Variants in NOX4 observed in about 807,000 individuals in gnomAD.
NOX4 encodes kidney oxidase-1.
A neutral mutation model predicts 87.6 loss-of-function variants in NOX4; 69 were observed. That is an observed-to-expected ratio of 0.79 (90% CI 0.65 to 0.96). NOX4 has a LOEUF of 0.96. NOX4 is among the 40% of genes least tolerant of loss of function. The pLI is 0.00. For synonymous variants in NOX4, 275 were observed against 238.2 expected, an observed-to-expected ratio of 1.15 and a Z score of -1.42; for missense variants, 680 against 681.5, an observed-to-expected ratio of 1.00 and a Z score of 0.02.
At chr11:89,479,034 C>G (rs917431176) in intron 2 of NOX4, among the ~76,000 whole-genome samples, 7 of 151,600 alleles carry the variant, frequency 4.6e-5, no homozygotes, top group Admixed American at 4.6e-4. Flanking sequence ...TGAAATGTGG[C>G]CAAGGAAAAT....
chr11:89,575,595 T>C, the NOX4 span, among the ~76,000 whole-genome samples: 1 of 152,178 alleles, frequency 6.6e-6, no homozygotes, highest in Admixed American at 6.5e-5. Context: ...CACTTTATAA[T>C]ATAACCTCTT....
chr11:89,489,355 A>T (rs1946756679), intron 2 of NOX4, among the ~76,000 whole-genome samples: 1 of 151,960 alleles, frequency 6.6e-6, no homozygotes, highest in African/African-American at 2.4e-5. Context: ...GCACCCCCCC[A>T]CTCACCAAAA....
At chr11:89,376,988 G>T (rs1479896260) in intron 11 of NOX4, among the ~76,000 whole-genome samples, 1 of 152,192 alleles carries the variant, frequency 6.6e-6, no homozygotes, top group Non-Finnish European at 1.5e-5. Flanking sequence ...AATTCAGGCG[G>T]CAGAGGTTGC....
intron 2 of NOX4, among the ~76,000 whole-genome samples, chr11:89,458,935 C>A (rs1945328796): frequency 1.3e-5 from 2 of 152,096 alleles, no homozygotes; most frequent in Admixed American, 1.3e-4. Context: ...TTCATTTGAT[C>A]CAGCAATCCC....
intron 2 of NOX4, among the ~76,000 whole-genome samples, chr11:89,477,401 G>A (rs1029523387): frequency 2.0e-5 from 3 of 152,198 alleles, no homozygotes; most frequent in South Asian, 2.1e-4. Context: ...ATGGGGAGCC[G>A]CCGTAAATAC....
At chr11:89,543,623 G>A in the NOX4 span, among the ~76,000 whole-genome samples, 410 of 152,072 alleles carry the variant, frequency 2.7e-3, 1 homozygote, top group South Asian at 7.9e-3. Context: ...ATAGGGAGTC[G>A]AGGACGCTGT....
At chr11:89,503,175 A>G (rs1947040206), upstream of NOX4, among the ~76,000 whole-genome samples, 1 of 152,006 alleles carries the variant, frequency 6.6e-6, no homozygotes, top group Non-Finnish European at 1.5e-5. Flanking sequence ...TCCTTTTTAT[A>G]TATTTGGAAT....
the NOX4 span, among the ~76,000 whole-genome samples, chr11:89,524,843 G>A: frequency 6.6e-6 from 1 of 151,918 alleles, no homozygotes; most frequent in Non-Finnish European, 1.5e-5. Context: ...ACATTTCCCT[G>A]TGCTATTTCC....
At chr11:89,423,067 G>C (rs1230682511) in intron 7 of NOX4, among the ~76,000 whole-genome samples, 1 of 151,968 alleles carries the variant, frequency 6.6e-6, no homozygotes, top group African/African-American at 2.4e-5. Flanking sequence ...CAAAGTGCTG[G>C]GATTACAGGT....
intron 13 of NOX4, among the ~76,000 whole-genome samples, chr11:89,343,136 G>A (rs1372760210): frequency 1.3e-5 from 2 of 152,068 alleles, no homozygotes; most frequent in Non-Finnish European, 2.9e-5. Flanking sequence ...TGGACAGGAC[G>A]ACTAGAACTC....
intron 2 of NOX4, among the ~76,000 whole-genome samples, chr11:89,452,748 C>A (rs745640741): frequency 2.8e-4 from 42 of 151,976 alleles, no homozygotes; most frequent in Non-Finnish European, 5.9e-4. Flanking sequence ...CAGGGTCTCA[C>A]TTTTTCTCCC....
intron 5 of NOX4, chr11:89,443,351 A>G (rs1199705155): frequency 6.6e-6 from 1 of 152,152 alleles, no homozygotes; most frequent in Non-Finnish European, 1.5e-5. Flanking sequence ...GAAGGTGGGG[A>G]AAAAAGTTAA....
rs1945201741 is a variant in NOX4 at position 89,325,900 on chromosome 11, T to C, written c.*856A>G. 1 of 136,122 alleles carries C rather than the reference T, an allele frequency of 7.3e-6. No homozygotes were observed. Among genetic ancestry groups the C allele is most frequent in the Admixed American group, 7.3e-5 (1 of 13,758 alleles). 8.4% of individuals were successfully genotyped at this position (136,122 alleles called of 1,614,324 possible). ...TAGTATATGTGTATATATATATATA[T>C]ATATATATATGTGTGTGTGTGTGTA... On this transcript the variant is annotated 3_prime_UTR_variant, in exon 18 of 18. Transcript: ENST00000263317.
chr11:89,382,332 T>C (rs896434403), intron 11 of NOX4, among the ~76,000 whole-genome samples: 3 of 152,122 alleles, frequency 2.0e-5, no homozygotes, highest in Admixed American at 6.5e-5. Flanking sequence ...TATTTTCTTC[T>C]GCAATGCCAC....
At chr11:89,546,047 T>G in the NOX4 span, among the ~76,000 whole-genome samples, 1 of 152,226 alleles carries the variant, frequency 6.6e-6, no homozygotes, top group African/African-American at 2.4e-5. Flanking sequence ...TTCTCTGCAT[T>G]TTAAGCATTG....
chr11:89,496,515 G>C (rs1565358862), upstream of NOX4, among the ~76,000 whole-genome samples: 1 of 150,664 alleles, frequency 6.6e-6, no homozygotes, highest in African/African-American at 2.4e-5. Context: ...ATGTATATGA[G>C]AACATCAAAT....
rs768320088 is a variant in NOX4, at chr11:89,491,294, G to A, written c.-48C>T. The A allele has an allele frequency of 1.3e-6, 2 of 1,572,990 alleles. No homozygotes were observed. Among genetic ancestry groups the A allele is most frequent in the South Asian group, 1.1e-5 (1 of 87,634 alleles). On this transcript the variant is annotated 5_prime_UTR_variant, in exon 1 of 18. Transcript: ENST00000263317. ...GCTCTGTGCCCGCCGGACCGAGAAGGAGCGGGCGGCGGCCGGGGCAGCGGT... is the reference window on the plus strand; with the variant it reads ...GCTCTGTGCCCGCCGGACCGAGAAGAAGCGGGCGGCGGCCGGGGCAGCGGT...
chr11:89,539,235 G>C, the NOX4 span, among the ~76,000 whole-genome samples: 1 of 151,966 alleles, frequency 6.6e-6, no homozygotes, highest in East Asian at 1.9e-4. Flanking sequence ...AGATCGAGAC[G>C]ATCCTGGCTA....
intron 13 of NOX4, among the ~76,000 whole-genome samples, chr11:89,350,298 T>C (rs1946401520): frequency 6.6e-6 from 1 of 152,222 alleles, no homozygotes; most frequent in South Asian, 2.1e-4. Context: ...AACATATACA[T>C]ACATACACAT....
Sources: gnomAD v4.1 joint callset for allele counts (sites outside exome capture counted in the v4.1 genomes callset) on GRCh38, gnomAD v4.1.1 for gene constraint, MANE v1.5 for transcripts, NCBI Gene and HGNC (gene_info 2026-07-23, HGNC 2026-07-21) for gene names.